The following VILL variants were observed in gnomAD, a reference collection of about 807,000 sequenced individuals.
The protein encoded by VILL is villin-like protein.
A neutral mutation model predicts 106.3 loss-of-function variants in VILL; 102 were observed. The observed-to-expected ratio is 0.96, with a 90% CI of 0.82 to 1.13. VILL has a LOEUF of 1.13. Ranked by LOEUF, VILL falls within the 50% of genes most tolerant of loss-of-function variation. The probability of loss-of-function intolerance (pLI) is 0.00; values close to 1 mark genes in which losing one functional copy is unlikely to be tolerated. For synonymous variants in VILL, 431 were observed against 440.3 expected, an observed-to-expected ratio of 0.98 and a Z score of 0.27; for missense variants, 1,076 against 1,116.6, an observed-to-expected ratio of 0.96 and a Z score of 0.52.
In VILL at chr3:37,997,993, G is replaced by A; in HGVS notation, c.765-97G>A. On this transcript the variant is annotated intron_variant, in intron 7 of 19. Transcript: ENST00000383759. This position sits in a 1 kb window ranked among gnomAD's most constrained non-coding sequence, Gnocchi z 4.7. ...CGGGGCCCCAGCCCCCATGCCTTCTGTCTCTGAGGGACTGGGGTGGGGTCC... is the reference window on the plus strand; with the variant it reads ...CGGGGCCCCAGCCCCCATGCCTTCTATCTCTGAGGGACTGGGGTGGGGTCC... 4 of 1,286,450 alleles carry A rather than the reference G, an allele frequency of 3.1e-6. No homozygotes were observed. Among genetic ancestry groups the A allele is most frequent in the Non-Finnish European group, 4.3e-6 (4 of 932,416 alleles). The allele number at this position is 1,286,450 out of a possible 1,614,324, so 79.7% of individuals were successfully genotyped here. A position where few individuals can be genotyped will look rare whatever the true frequency, so the allele number is the denominator to read the frequency against.
intron 17 of VILL, 88 bp from the exon 18 acceptor site, chr3:38,006,093 C>G (rs1412397876): frequency 7.5e-6 from 12 of 1,604,232 alleles, no homozygotes; most frequent in Non-Finnish European, 1.0e-5. Flanking sequence ...TGCGAGAGAC[C>G]TGGTCTTGTC....
rs1559368368 is a variant in VILL at position 38,006,182 on chromosome 3, G to A, written c.2135G>A (p.Ser712Asn). Residue 712 changes from serine to asparagine, a missense_variant and splice_region_variant, in exon 18 of 20, where the codon AGC (serine) becomes AAC (asparagine). Coordinates refer to ENST00000383759, the MANE Select transcript of VILL (RefSeq NM_015873.4). ...FFTWDPYKWT[S>N]HPSHKEVVDG... The stretch of plus-strand genomic sequence containing the variant: ...TACTTGCCCCGATTCTTGCTCCAGA[G>A]CCACCCGTCCCACAAGGAAGTGGTG... The A allele has an allele frequency of 6.2e-7, 1 of 1,614,178 alleles. No individual in the cohort carries two copies.
Position 38,001,475 on chromosome 3 carries a change from T to G in VILL, c.1202T>G (p.Leu401Ter). The G allele has an allele frequency of 6.2e-7, 1 of 1,614,182 alleles. No individual in the cohort carries two copies. The highest frequency in any genetic ancestry group is 1.1e-5 in the South Asian group (1 of 91,090). Residue 401 changes from leucine to a stop codon, truncating the protein, a stop_gained, in exon 12 of 20, where the codon TTA becomes TGA. Transcript: ENST00000383759. LOFTEE classifies it high-confidence loss of function. ...GKVEVWCIQD[L>*]HRQPVDPKRH... ...CCCCAGGTGTGGTGCATCCAGGACT[T>G]ACACAGGCAGCCCGTGGACCCCAAG...
rs1259092260 is a variant in VILL, at chr3:38,006,755, G to A, written c.2457+55G>A. 6 of 1,555,252 alleles carry A rather than the reference G, an allele frequency of 3.9e-6. No individual in the cohort carries two copies. The East Asian group carries it at 6.8e-5, about 18-fold the overall frequency. The stretch of plus-strand genomic sequence containing the variant: ...GTGCATCTGACACTGAGCTGGAGGA[G>A]CCCAAGGCAGGATCCACTGGTGGCG... On this transcript the variant is annotated intron_variant, in intron 19 of 19. Coordinates refer to ENST00000383759, the MANE Select transcript of VILL (RefSeq NM_015873.4).
chr3:38,006,537 G>A lies in VILL; in HGVS notation c.2294G>A (p.Ser765Asn), dbSNP rs761489815. 4 of 1,614,148 alleles carry A rather than the reference G, an allele frequency of 2.5e-6. No individual in the cohort carries two copies. The highest frequency in any genetic ancestry group is 2.2e-5 in the East Asian group (1 of 44,888). The change falls in exon 19 of 20, where the codon AGC (serine) becomes AAC (asparagine). Residue 765 changes from serine (S) to asparagine (N), a missense_variant. Ser to Asn is a conservative substitution (Grantham distance 46). Transcript: ENST00000383759. The stretch of plus-strand genomic sequence containing the variant: ...CAGGCCCTCAAGGGCTCCCAGGACA[G>A]CTCAGAGAATGATCTGGTGCGAAGC... ...ALQALKGSQD[S>N]SENDLVRSPK...
chr3:37,999,825 A>C (rs1175633726), intron 11 of VILL, among the ~76,000 whole-genome samples: 3 of 152,256 alleles, frequency 2.0e-5, no homozygotes, highest in East Asian at 3.8e-4. Flanking sequence ...TACATCAGAC[A>C]TGACCACGGT....
Position 38,006,513 on chromosome 3 carries a change from A to G in VILL, c.2270A>G (p.Gln757Arg), listed in dbSNP as rs1254069186. Reference protein sequence around the residue: ...GNGRAGAVALQALKGSQDSSE... With the variant: ...GNGRAGAVALRALKGSQDSSE... ...GGCAGGGCAGGTGCCGTGGCCCTGC[A>G]GGCCCTCAAGGGCTCCCAGGACAGC... Residue 757 changes from glutamine to arginine, a missense_variant, in exon 19 of 20, where the codon CAG becomes CGG. Gln to Arg is a conservative substitution (Grantham distance 43, BLOSUM62 1). Coordinates refer to ENST00000383759, the MANE Select transcript of VILL (RefSeq NM_015873.4). 1 of 1,611,898 alleles carries G rather than the reference A, an allele frequency of 6.2e-7. No homozygotes were observed.
intron 15 of VILL, chr3:38,003,918 C>T (rs1699866305): frequency 4.1e-6 from 1 of 246,062 alleles, no homozygotes; most frequent in East Asian, 8.1e-5. Flanking sequence ...GGCCGGAGAC[C>T]TACTCTCTGC....
chr3:38,001,828 G>C lies in VILL; in HGVS notation c.1447G>C (p.Ala483Pro), dbSNP rs377050534. 3.0e-5 allele frequency: 48 copies of C among 1,614,112 alleles called. No homozygotes were observed. The highest frequency in any genetic ancestry group is 4.1e-5 in the Non-Finnish European group (48 of 1,180,050). Residue 483 changes from alanine (A) to proline (P), a missense_variant, in exon 13 of 20, where the codon GCC becomes CCC. Ala to Pro is a conservative substitution (Grantham distance 27, BLOSUM62 -1). Coordinates refer to ENST00000383759, the MANE Select transcript of VILL (RefSeq NM_015873.4). ...GGGCAGCGAGCCCCCCCACTTCCTC[G>C]CCATCTTCCAGGGCCAGCTGGTGAT... ...TMGSEPPHFL[A>P]IFQGQLVIFQ... is the part of the protein sequence containing the mutation.
In VILL at chr3:38,006,503, G is replaced by A. The variant is rs547120662; in HGVS notation, c.2260G>A (p.Val754Met). The A allele has an allele frequency of 1.1e-5, 18 of 1,610,364 alleles. No individual in the cohort carries two copies. Among genetic ancestry groups the A allele is most frequent in the African/African-American group, 9.3e-5 (7 of 74,996 alleles). ...GCCGGGCAATGGCAGGGCAGGTGCC[G>A]TGGCCCTGCAGGCCCTCAAGGGCTC... ...RWPGNGRAGA[V>M]ALQALKGSQD... is the part of the protein sequence containing the mutation. The change falls in exon 19 of 20, where the codon GTG (valine) becomes ATG (methionine). Residue 754 changes from valine (V) to methionine (M), a missense_variant. Physicochemically the swap from Val to Met is conservative, Grantham distance 21. Coordinates refer to ENST00000383759, the MANE Select transcript of VILL (RefSeq NM_015873.4).
intron 14 of VILL, 73 bp from the exon 15 acceptor site, chr3:38,003,095 T>G (rs1277026229): frequency 2.0e-5 from 31 of 1,553,122 alleles, no homozygotes; most frequent in Non-Finnish European, 2.0e-5. Context: ...CCATACACCC[T>G]GTGAACGGGA....
chr3:37,998,870 G>T lies in VILL; in HGVS notation c.943-42G>T, dbSNP rs772644067. On this transcript the variant is annotated intron_variant, in intron 9 of 19. Coordinates refer to ENST00000383759, the MANE Select transcript of VILL (RefSeq NM_015873.4). The surrounding 1 kb of genome is among the most constrained non-coding windows in gnomAD (Gnocchi z 4.1). ...TCCCCAGGAGCGGCAGTGGGGCAGT[G>T]GACTCTCAGGGTCGCAGGACTGACG... is the stretch of plus-strand genomic sequence containing the variant. 7 of 1,569,460 alleles carry T rather than the reference G, an allele frequency of 4.5e-6. No individual in the cohort carries two copies. Among genetic ancestry groups the T allele is most frequent in the Non-Finnish European group, 6.1e-6 (7 of 1,149,970 alleles).
At chr3:37,993,762 G>A (rs762238363) in intron 2 of VILL, 30 bp downstream of exon 2, 2 of 1,613,128 alleles carry the variant, frequency 1.2e-6, no homozygotes, top group East Asian at 4.5e-5. Context: ...AGGAGAGTTG[G>A]TGACATGGAA....
chr3:37,996,999 C>T (rs184032584), intron 5 of VILL, 78 bp from the exon 6 acceptor site: 8 of 1,303,910 alleles, frequency 6.1e-6, no homozygotes, highest in East Asian at 4.6e-5. Flanking sequence ...TTCATGCACA[C>T]GTGACACATC....
At chr3:37,994,051 T>G (rs920231537) in intron 3 of VILL, 79 bp downstream of exon 3, 4 of 1,571,552 alleles carry the variant, frequency 2.5e-6, no homozygotes, top group African/African-American at 2.7e-5. Context: ...GCATAAACTC[T>G]GCCCTGGGAA....
rs201669295 is a variant in VILL at position 38,001,670 on chromosome 3, G to A, written c.1321-32G>A. 54 of 1,613,836 alleles carry A rather than the reference G, an allele frequency of 3.3e-5. 1 individual carries two copies. In the African/African-American group the frequency reaches 3.6e-4, roughly 11 times the overall value. Reference sequence around the variant, plus strand: ...TCTGGGAGTGAAATGTGAGAGCTGGGCCAGGCCCTCACTCACTGCCCCCAC... The same window carrying A: ...TCTGGGAGTGAAATGTGAGAGCTGGACCAGGCCCTCACTCACTGCCCCCAC... On this transcript the variant is annotated intron_variant, in intron 12 of 19. Coordinates refer to ENST00000383759, the MANE Select transcript of VILL (RefSeq NM_015873.4).
intron 16 of VILL, among the ~76,000 whole-genome samples, 171 bp from the exon 17 acceptor site, chr3:38,005,621 T>C (rs554394176): frequency 2.6e-5 from 4 of 152,298 alleles, no homozygotes; most frequent in Non-Finnish European, 1.5e-5. Context: ...CCTGTGACCT[T>C]CTCGTGTGTT....
At chr3:38,006,104 C>A in intron 17 of VILL, 77 bp from the exon 18 acceptor site, 2 of 1,607,394 alleles carry the variant, frequency 1.2e-6, no homozygotes, top group Non-Finnish European at 1.7e-6. Flanking sequence ...TGGTCTTGTC[C>A]TCAGGCCCCT....
At chr3:37,995,005 T>G (rs1437863176) in intron 4 of VILL, among the ~76,000 whole-genome samples, 1 of 152,278 alleles carries the variant, frequency 6.6e-6, no homozygotes, top group Non-Finnish European at 1.5e-5. Context: ...TTAATAGACA[T>G]TTGAGTTGTT....
Sources: allele counts gnomAD v4.1 joint callset (sites outside exome capture counted in the v4.1 genomes callset), GRCh38; gene constraint gnomAD v4.1.1; non-coding constraint Gnocchi (gnomAD v3.1); transcripts MANE v1.5; gene names NCBI Gene and HGNC (gene_info 2026-07-23, HGNC 2026-07-21).